Variants in MIB1 observed in about 807,000 individuals in gnomAD.
MIB1 encodes MIB E3 ubiquitin protein ligase 1.
MIB1 carries 278 observed loss-of-function variants against 124.5 expected under a neutral mutation model. The observed-to-expected ratio is 2.23, with a 90% CI of 2.02 to 2.47. MIB1 has a LOEUF of 2.47. Ranked by LOEUF, MIB1 falls within the 30% of genes most tolerant of loss-of-function variation. MIB1 has a pLI of 0.00. For missense variants in MIB1, 957 were observed against 1,254.4 expected (o/e 0.76, Z 3.58); for synonymous variants, 446 against 429.4 (o/e 1.04, Z -0.48).
intron 12 of MIB1, among the ~76,000 whole-genome samples, chr18:21,829,644 A>G (rs1023451283): frequency 7.2e-5 from 11 of 152,084 alleles, no homozygotes; most frequent in Non-Finnish European, 1.5e-4. Flanking sequence ...TTAGTGTTTT[A>G]TAAGGTCACA....
At chr18:21,725,137 T>C (rs1352635449) in intron 1 of MIB1, among the ~76,000 whole-genome samples, 1 of 151,562 alleles carries the variant, frequency 6.6e-6, no homozygotes, top group African/African-American at 2.4e-5. Context: ...ATAAATTATT[T>C]ATTAATAAAC....
intron 12 of MIB1, among the ~76,000 whole-genome samples, chr18:21,835,810 C>CACACACACACAG: frequency 5.6e-5 from 1 of 17,854 alleles, no homozygotes; most frequent in South Asian, 4.0e-3. Context: ...TCCACACACA[C>CACACACACACAG]ACACACACAC....
In MIB1 at chr18:21,741,111, G is replaced by T. The variant is rs1190014489; in HGVS notation, c.-473G>T. 6.6e-6 allele frequency among the ~76,000 whole-genome samples: 1 copy of T among 152,052 alleles called. No homozygotes were observed. The highest frequency in any genetic ancestry group is 2.4e-5 in the African/African-American group (1 of 41,436). Reference sequence around the variant, plus strand: ...GAGGAGGCGGCGCCGGCGCTTGGGTGCCCGCCCCCGAGCGAGGGGCCGGGG... The same window carrying T: ...GAGGAGGCGGCGCCGGCGCTTGGGTTCCCGCCCCCGAGCGAGGGGCCGGGG... On this transcript the variant is annotated 5_prime_UTR_variant, in exon 1 of 21. Transcript: ENST00000261537. The surrounding 1 kb of genome is among the most constrained non-coding windows in gnomAD (Gnocchi z 5.4).
chr18:21,762,112 A>T (rs1440888580), intron 1 of MIB1, among the ~76,000 whole-genome samples: 1 of 152,250 alleles, frequency 6.6e-6, no homozygotes, highest in African/African-American at 2.4e-5. Context: ...AAATTGGCAC[A>T]GATTAAAAAT....
chr18:21,766,471 CT>C (rs2041160578), intron 2 of MIB1, among the ~76,000 whole-genome samples: 1 of 152,086 alleles, frequency 6.6e-6, no homozygotes, highest in Admixed American at 6.6e-5. Flanking sequence ...TATTAAGTGT[CT>C]TAGGAGCAAG....
chr18:21,809,186 A>C (rs1450867165), intron 10 of MIB1, among the ~76,000 whole-genome samples: 1 of 152,118 alleles, frequency 6.6e-6, no homozygotes, highest in East Asian at 1.9e-4. Flanking sequence ...AATTTCTAGA[A>C]CACAAAACCT....
At chr18:21,816,574 A>G (rs1161158929) in intron 11 of MIB1, among the ~76,000 whole-genome samples, 4 of 152,244 alleles carry the variant, frequency 2.6e-5, no homozygotes, top group African/African-American at 4.8e-5. Flanking sequence ...TTGAATATGT[A>G]AAACATAATT....
At position 21,814,398 on chromosome 18, in the gene MIB1, A is replaced by G. The variant is rs551891082; in HGVS notation, c.1480-1218A>G. On this transcript the variant is annotated intron_variant, in intron 10 of 20. Transcript: ENST00000261537. ...CATTCTTTTTTTTTTTTTCAATCAC[A>G]CAACTCATCTTAGTTTACTTTTTGT... Among the ~76,000 whole-genome samples, 9 of 150,764 alleles carry G rather than the reference A, an allele frequency of 6.0e-5. No homozygotes were observed. The South Asian group carries it at 1.9e-3, about 32-fold the overall frequency.
intron 3 of MIB1, among the ~76,000 whole-genome samples, chr18:21,772,645 A>T (rs187788332): frequency 1.3e-3 from 200 of 152,296 alleles, no homozygotes; most frequent in African/African-American, 4.7e-3. Flanking sequence ...CCTGTATGTG[A>T]TTCTAGGCCT....
Position 21,849,184 on chromosome 18 carries a change from T to C in MIB1, c.2394-12T>C, listed in dbSNP as rs768745450. On this transcript the variant is annotated splice_polypyrimidine_tract_variant and intron_variant, in intron 16 of 20. Coordinates refer to ENST00000261537, the MANE Select transcript of MIB1 (RefSeq NM_020774.4). ...TAAGATAGGCTTGATTTGAAATACT[T>C]TCTTTTATTAGTGGTCAAGTGGGTT... 8.7e-6 allele frequency: 13 copies of C among 1,496,020 alleles called. No individual in the cohort carries two copies. The highest frequency in any genetic ancestry group is 1.2e-5 in the Non-Finnish European group (13 of 1,113,038). 92.7% of individuals were successfully genotyped at this position (1,496,020 alleles called of 1,614,324 possible). A position where few individuals can be genotyped will look rare whatever the true frequency, so the allele number is the denominator to read the frequency against.
At chr18:21,803,798 A>C in intron 9 of MIB1, 109 bp from the exon 10 acceptor site, 1 of 705,096 alleles carries the variant, frequency 1.4e-6, no homozygotes, top group African/African-American at 1.8e-5. Context: ...AACCTAAATT[A>C]TTCTCGTGGA....
chr18:21,809,991 C>CA (rs919626755), intron 10 of MIB1, among the ~76,000 whole-genome samples: 2 of 151,974 alleles, frequency 1.3e-5, no homozygotes, highest in Non-Finnish European at 2.9e-5. Flanking sequence ...AAGATTTCAA[C>CA]AAAAAAACTT....
upstream of MIB1, among the ~76,000 whole-genome samples, chr18:21,740,152 C>T (rs2040828498): frequency 6.6e-6 from 1 of 152,186 alleles, no homozygotes; most frequent in Non-Finnish European, 1.5e-5. Context: ...AAACCCTATG[C>T]AGCATAATGT....
At chr18:21,846,869 A>T (rs1246964400) in intron 15 of MIB1, 75 bp from the exon 16 acceptor site, 1 of 1,397,666 alleles carries the variant, frequency 7.2e-7, no homozygotes, top group East Asian at 2.3e-5. Flanking sequence ...CACCACACAC[A>T]CATACATATA....
chr18:21,799,707 T>G (rs2146454279), intron 8 of MIB1, 134 bp from the exon 9 acceptor site: 1 of 860,864 alleles, frequency 1.2e-6, no homozygotes, highest in Non-Finnish European at 1.7e-6. Context: ...ATAACTTGCA[T>G]GGGTAGAAAA....
At chr18:21,839,928 C>T (rs577770323) in intron 13 of MIB1, among the ~76,000 whole-genome samples, 2 of 152,032 alleles carry the variant, frequency 1.3e-5, no homozygotes, top group African/African-American at 2.4e-5. Flanking sequence ...GGTAGCACAC[C>T]CCTGTAATGC....
chr18:21,721,111 A>G (rs1185919331), intron 1 of MIB1, among the ~76,000 whole-genome samples: 2 of 63,502 alleles, frequency 3.1e-5, no homozygotes, highest in Non-Finnish European at 6.8e-5. Flanking sequence ...ATAAAAAGTT[A>G]TTTTTCCTGT....
chr18:21,777,953 T>G (rs1223284136), intron 4 of MIB1, 150 bp from the exon 5 acceptor site: 2 of 566,308 alleles, frequency 3.5e-6, no homozygotes, highest in Non-Finnish European at 6.2e-6. Context: ...TTACAAGTAC[T>G]TTTGAAAGCA....
rs189609135 is a variant in MIB1, at chr18:21,750,445, A to C, written c.229+8633A>C. ...CGGGTTCATGCCATTCTGCTGCCTC[A>C]GCCTCCTGAGTAGCTGGGATTACAG... On this transcript the variant is annotated intron_variant, in intron 1 of 20. Transcript: ENST00000261537. 2.6e-3 allele frequency among the ~76,000 whole-genome samples: 393 copies of C among 152,278 alleles called. 3 individuals carry two copies. Among genetic ancestry groups the C allele is most frequent in the African/African-American group, 8.5e-3 (355 of 41,558 alleles).
Sources: gnomAD v4.1 joint callset for allele counts (sites outside exome capture counted in the v4.1 genomes callset) on GRCh38, gnomAD v4.1.1 for gene constraint, Gnocchi (gnomAD v3.1) non-coding constraint, MANE v1.5 for transcripts, NCBI Gene and HGNC (gene_info 2026-07-23, HGNC 2026-07-21) for gene names.